The following WDFY1 variants were observed in gnomAD, a reference collection of about 807,000 sequenced individuals.
WDFY1 encodes WD repeat and FYVE domain-containing protein 1.
Under a neutral mutation model 56.4 loss-of-function variants are expected in WDFY1, and 32 were observed. That is an observed-to-expected ratio of 0.57 (90% CI 0.43 to 0.76). The LOEUF is 0.76. WDFY1 is among the 30% of genes least tolerant of loss of function. The pLI, the probability that WDFY1 is intolerant of heterozygous loss-of-function variation, is 0.00. For synonymous variants in WDFY1, 192 were observed against 197.3 expected (o/e 0.97, Z 0.23); for missense variants, 480 against 545.7 (o/e 0.88, Z 1.20).
intron 1 of WDFY1, among the ~76,000 whole-genome samples, chr2:223,919,813 C>T (rs960733508): frequency 1.3e-5 from 2 of 152,196 alleles, no homozygotes; most frequent in Non-Finnish European, 2.9e-5. Context: ...ACAAGTAAAA[C>T]TGGGTGGTGG....
intron 1 of WDFY1, among the ~76,000 whole-genome samples, chr2:223,938,086 T>C (rs1284026837): frequency 1.3e-5 from 2 of 152,212 alleles, no homozygotes; most frequent in African/African-American, 4.8e-5. Flanking sequence ...TGGTTTTCTG[T>C]AATCTTTACT....
chr2:223,923,769 A>AT (rs1391354118), intron 1 of WDFY1, among the ~76,000 whole-genome samples: 1,811 of 152,110 alleles, frequency 0.012, 28 homozygotes, highest in African/African-American at 0.041. Context: ...TCAAAAAAAA[A>AT]AAATAAATAA....
At chr2:223,917,873 A>T in intron 2 of WDFY1, 70 bp downstream of exon 2, 4 of 1,584,898 alleles carry the variant, frequency 2.5e-6, no homozygotes, top group Middle Eastern at 3.3e-4. Context: ...TGCTCAGCCG[A>T]CATTTTGAAA....
chr2:223,917,299 CCTT>C (rs1202708925), intron 2 of WDFY1, among the ~76,000 whole-genome samples: 1 of 152,136 alleles, frequency 6.6e-6, no homozygotes, highest in African/African-American at 2.4e-5. Context: ...AGGGCACAGT[CCTT>C]TTTTAGTGTT....
chr2:223,941,502 G>A (rs750867634), intron 1 of WDFY1, among the ~76,000 whole-genome samples: 9 of 151,972 alleles, frequency 5.9e-5, no homozygotes, highest in Non-Finnish European at 1.2e-4. Flanking sequence ...CCAGCTCAAC[G>A]ACCTTCTCTA....
At chr2:223,942,759 T>C (rs1260326900) in intron 1 of WDFY1, among the ~76,000 whole-genome samples, 55 of 94,834 alleles carry the variant, frequency 5.8e-4, no homozygotes, top group Middle Eastern at 9.8e-3. Context: ...ATGGTCTCGA[T>C]CTCCTGACCT....
intron 1 of WDFY1, among the ~76,000 whole-genome samples, chr2:223,922,106 T>G (rs567261602): frequency 6.6e-6 from 1 of 152,314 alleles, no homozygotes; most frequent in South Asian, 2.1e-4. Context: ...CCCAGTGAGC[T>G]GTCATCCTCA....
intron 5 of WDFY1, 189 bp from the exon 6 acceptor site, chr2:223,899,259 G>A: frequency 1.9e-6 from 1 of 513,378 alleles, no homozygotes; most frequent in East Asian, 3.0e-5. Flanking sequence ...TGTAAATATT[G>A]AAGGTAAAAA....
rs1692984463 is a variant in WDFY1 at position 223,877,092 on chromosome 2, TA to T, written c.*1578del. ...TTATTTCTGAAGACAAGTCTATGTT[TA>T]ATGCAGATCATTCCAGTACATGATG... On this transcript the variant is annotated 3_prime_UTR_variant, in exon 12 of 12. Transcript: ENST00000233055. 6.6e-6 allele frequency: 1 copy of T among 152,208 alleles called. No homozygotes were observed. The highest frequency in any genetic ancestry group is 1.5e-5 in the Non-Finnish European group (1 of 68,032). 9.4% of individuals were successfully genotyped at this position (152,208 alleles called of 1,614,324 possible).
intron 2 of WDFY1, among the ~76,000 whole-genome samples, chr2:223,912,604 G>C (rs898959743): frequency 6.6e-6 from 1 of 152,176 alleles, no homozygotes; most frequent in Non-Finnish European, 1.5e-5. Flanking sequence ...ACTACCTGTA[G>C]TCTGGCAAGC....
chr2:223,943,221 CTTT>C (rs940452569), intron 1 of WDFY1, among the ~76,000 whole-genome samples: 8 of 151,028 alleles, frequency 5.3e-5, no homozygotes, highest in African/African-American at 1.9e-4. Context: ...CTGTCCTTGC[CTTT>C]TTCAGGTCCC....
chr2:223,897,377 TATATATA>T (rs201860197), intron 6 of WDFY1, among the ~76,000 whole-genome samples: 1,727 of 18,734 alleles, frequency 0.092, 85 homozygotes, highest in African/African-American at 0.18. Flanking sequence ...TATATATATA[TATATATA>T]TATATATTTT....
chr2:223,927,422 T>A (rs1007074341), intron 1 of WDFY1, among the ~76,000 whole-genome samples: 1 of 152,250 alleles, frequency 6.6e-6, no homozygotes, highest in Admixed American at 6.5e-5. Context: ...TTTGCACTTT[T>A]ATGTTATGTA....
intron 8 of WDFY1, among the ~76,000 whole-genome samples, chr2:223,890,004 T>C (rs1240519862): frequency 6.6e-6 from 1 of 152,176 alleles, no homozygotes; most frequent in African/African-American, 2.4e-5. Context: ...CCTGGGCAGA[T>C]CCAGGAGTCC....
chr2:223,878,789 A>G, intron 11 of WDFY1, 59 bp from the exon 12 acceptor site: 1 of 1,596,828 alleles, frequency 6.3e-7, no homozygotes, highest in Admixed American at 1.7e-5. Flanking sequence ...TAACGGCAAG[A>G]GTCAACACAG....
chr2:223,902,164 A>G (rs1335236043), intron 4 of WDFY1, among the ~76,000 whole-genome samples: 2 of 152,228 alleles, frequency 1.3e-5, no homozygotes, highest in Non-Finnish European at 2.9e-5. Flanking sequence ...ACTCTCCCCA[A>G]AAGTCTACGT....
At chr2:223,894,184 G>A (rs1383170754) in intron 8 of WDFY1, 50 bp downstream of exon 8, 7 of 1,598,200 alleles carry the variant, frequency 4.4e-6, no homozygotes, top group Non-Finnish European at 6.0e-6. Flanking sequence ...GAAGAAGCCA[G>A]GTTCCTGGGG....
chr2:223,933,091 T>C (rs559828137), intron 1 of WDFY1, among the ~76,000 whole-genome samples: 1 of 152,268 alleles, frequency 6.6e-6, no homozygotes, highest in South Asian at 2.1e-4. Context: ...AGATTGTTAT[T>C]GAATTTATTC....
At chr2:223,922,987 T>C (rs531647) in intron 1 of WDFY1, among the ~76,000 whole-genome samples, 48,874 of 152,004 alleles carry the variant, frequency 0.32, 9,357 homozygotes, top group Non-Finnish European at 0.42. Flanking sequence ...TCTAATAAAC[T>C]AGGAAATTGT....
Sources: allele counts gnomAD v4.1 joint callset (sites outside exome capture counted in the v4.1 genomes callset), GRCh38; gene constraint gnomAD v4.1.1; transcripts MANE v1.5; gene names NCBI Gene and HGNC (gene_info 2026-07-23, HGNC 2026-07-21).